Variants in TACC2 observed in about 807,000 individuals in gnomAD.
TACC2 encodes transforming acidic coiled-coil-containing protein 2.
A neutral mutation model predicts 227.3 loss-of-function variants in TACC2; 137 were observed. That is an observed-to-expected ratio of 0.60 (90% confidence interval 0.52 to 0.69). TACC2 has a LOEUF of 0.69. TACC2 is among the 30% of genes least tolerant of loss of function. The probability of loss-of-function intolerance (pLI) is 0.00; values close to 1 mark genes in which losing one functional copy is unlikely to be tolerated. For synonymous variants in TACC2, 1,523 were observed against 1,487.5 expected, an observed-to-expected ratio of 1.02 and a Z score of -0.55; for missense variants, 3,470 against 3,694.4, an observed-to-expected ratio of 0.94 and a Z score of 1.57.
At position 122,050,489 on chromosome 10, in the gene TACC2, C is replaced by A. The variant is rs1238814181; in HGVS notation, c.85C>A (p.Gln29Lys). The A allele has an allele frequency of 6.2e-7, 1 of 1,614,100 alleles. No individual in the cohort carries two copies. The highest frequency in any genetic ancestry group is 1.1e-5 in the South Asian group (1 of 91,074). Residue 29 changes from glutamine to lysine, a missense_variant, in exon 3 of 23, where the codon CAG (glutamine) becomes AAG (lysine). Coordinates refer to ENST00000369005, the MANE Select transcript of TACC2 (RefSeq NM_206862.4). The surrounding 1 kb of genome is among the most constrained non-coding windows in gnomAD (Gnocchi z 4.6). ...GTCCGCGCAGCCACCCGGGAACAGT[C>A]AGAATATAAAAAGGAAGCAGCAGGA... ...PRSAQPPGNS[Q>K]NIKRKQQDTP...
At chr10:122,081,527 C>A (rs895394646) in intron 3 of TACC2, among the ~76,000 whole-genome samples, 1,906 of 108,822 alleles carry the variant, frequency 0.018, no homozygotes, top group African/African-American at 0.024. Context: ...GACTCCGTCT[C>A]AAAAAAAAAA....
intron 2 of TACC2, among the ~76,000 whole-genome samples, chr10:122,029,702 G>T (rs1022067774): frequency 1.3e-5 from 2 of 152,180 alleles, no homozygotes. Flanking sequence ...GTTCTGTCTT[G>T]TGTTTTAGAG....
rs1202291562 is a variant in TACC2, at chr10:122,150,287, AG to A, written c.5834+6583del. Among the ~76,000 whole-genome samples, 2 of 152,310 alleles carry A rather than the reference AG, an allele frequency of 1.3e-5. No individual in the cohort carries two copies. Among genetic ancestry groups the A allele is most frequent in the African/African-American group, 4.8e-5 (2 of 41,578 alleles). The stretch of plus-strand genomic sequence containing the variant: ...TCCCGCCCTGAAATGGGGCTCAGGG[AG>A]GAACATATGGGCAGGCATCTGTGAG... On this transcript the variant is annotated intron_variant, in intron 7 of 22. Coordinates refer to ENST00000369005, the MANE Select transcript of TACC2 (RefSeq NM_206862.4). This position sits in a 1 kb window ranked among gnomAD's most constrained non-coding sequence, Gnocchi z 4.0.
chr10:122,026,421 C>G (rs1389739729), intron 2 of TACC2, among the ~76,000 whole-genome samples: 1 of 150,200 alleles, frequency 6.7e-6, no homozygotes, highest in African/African-American at 2.5e-5. Context: ...TCTGCCTACA[C>G]CAACATCCTG....
intron 7 of TACC2, among the ~76,000 whole-genome samples, chr10:122,168,335 A>G (rs1409660988): frequency 6.6e-6 from 1 of 152,158 alleles, no homozygotes; most frequent in Non-Finnish European, 1.5e-5. Flanking sequence ...TTTGGATATT[A>G]CTGTTGGACA....
At chr10:122,252,419 C>T (rs1370625004) in intron 22 of TACC2, among the ~76,000 whole-genome samples, 2 of 151,828 alleles carry the variant, frequency 1.3e-5, no homozygotes, top group Admixed American at 1.3e-4. Flanking sequence ...TCACGGTGGG[C>T]ACTCCAATAA....
intron 5 of TACC2, among the ~76,000 whole-genome samples, chr10:122,092,862 G>A (rs2080975267): frequency 6.6e-6 from 1 of 152,194 alleles, no homozygotes; most frequent in Non-Finnish European, 1.5e-5. Context: ...GGAAGAGCCT[G>A]GGACTCAGAG....
At chr10:122,066,273 A>ATTT (rs71482682) in intron 3 of TACC2, among the ~76,000 whole-genome samples, 3 of 132,036 alleles carry the variant, frequency 2.3e-5, no homozygotes, top group African/African-American at 8.6e-5. Context: ...ATGCCCAGCT[A>ATTT]TTTTTTTTTT....
chr10:121,995,454 C>T (rs954059857), intron 1 of TACC2, among the ~76,000 whole-genome samples: 1 of 152,188 alleles, frequency 6.6e-6, no homozygotes, highest in African/African-American at 2.4e-5. Flanking sequence ...ACTGACACCA[C>T]TTATAATCTA....
In TACC2 at chr10:122,184,680, T is replaced by C. The variant is rs78302066; in HGVS notation, c.5835-10360T>C. Among the ~76,000 whole-genome samples the C allele has an allele frequency of 1.4e-3, 217 of 152,374 alleles. 1 individual carries two copies. Among genetic ancestry groups the C allele is most frequent in the East Asian group, 0.011 (57 of 5,188 alleles). On this transcript the variant is annotated intron_variant, in intron 7 of 22. Transcript: ENST00000369005. Reference sequence around the variant, plus strand: ...CACCTATGTGTTGCTTTTATGTGTGTGTGTCTGTACATAGACATCTGTGTA... The same window carrying C: ...CACCTATGTGTTGCTTTTATGTGTGCGTGTCTGTACATAGACATCTGTGTA...
At chr10:122,128,211 C>A (rs560277758) in intron 5 of TACC2, among the ~76,000 whole-genome samples, 6 of 152,096 alleles carry the variant, frequency 3.9e-5, no homozygotes, top group Non-Finnish European at 8.8e-5. Context: ...GGCTTAGATC[C>A]CATGGTGGGC....
chr10:122,107,189 A>G (rs1291075472), intron 5 of TACC2, among the ~76,000 whole-genome samples: 2 of 152,260 alleles, frequency 1.3e-5, no homozygotes, highest in Admixed American at 6.5e-5. Flanking sequence ...AATGCTGGCC[A>G]TAAAACTTCG....
At chr10:122,206,506 A>G (rs1391929433) in intron 8 of TACC2, among the ~76,000 whole-genome samples, 1 of 152,206 alleles carries the variant, frequency 6.6e-6, no homozygotes, top group Non-Finnish European at 1.5e-5. Flanking sequence ...TGTGCAGAGA[A>G]AAGGCCATCT....
intron 1 of TACC2, among the ~76,000 whole-genome samples, chr10:122,012,844 A>C (rs559646403): frequency 1.3e-5 from 2 of 152,206 alleles, no homozygotes; most frequent in African/African-American, 4.8e-5. Flanking sequence ...GAATCAGTAA[A>C]ACTGCAAACT....
chr10:122,231,836 A>G (rs2095756335), intron 16 of TACC2, among the ~76,000 whole-genome samples: 1 of 152,132 alleles, frequency 6.6e-6, no homozygotes, highest in Admixed American at 6.5e-5. Context: ...GCGAGACCCT[A>G]TCTTTTAATT....
At chr10:122,191,448 T>A (rs967019181) in intron 7 of TACC2, among the ~76,000 whole-genome samples, 5 of 152,132 alleles carry the variant, frequency 3.3e-5, no homozygotes, top group African/African-American at 1.2e-4. Flanking sequence ...CTGGGCCACA[T>A]TGGAACAAGA....
intron 16 of TACC2, among the ~76,000 whole-genome samples, chr10:122,236,937 A>G (rs1294007949): frequency 6.6e-6 from 1 of 152,246 alleles, no homozygotes; most frequent in African/African-American, 2.4e-5. Flanking sequence ...CAAAATGGAA[A>G]TGTAAACAGT....
At chr10:122,215,321 C>T in intron 9 of TACC2, 70 bp from the exon 10 acceptor site, 1 of 1,414,812 alleles carries the variant, frequency 7.1e-7, no homozygotes, top group South Asian at 1.2e-5. Flanking sequence ...TAGCTTCGGT[C>T]CGCTCTGTAC....
At chr10:122,214,493 A>G (rs1489589267) in intron 9 of TACC2, among the ~76,000 whole-genome samples, 2 of 152,244 alleles carry the variant, frequency 1.3e-5, no homozygotes, top group Admixed American at 1.3e-4. Flanking sequence ...CACCCCCCAA[A>G]GCCTTTGCTT....
Sources: gnomAD v4.1 joint callset for allele counts (sites outside exome capture counted in the v4.1 genomes callset) on GRCh38, gnomAD v4.1.1 for gene constraint, Gnocchi (gnomAD v3.1) non-coding constraint, MANE v1.5 for transcripts, NCBI Gene and HGNC (gene_info 2026-07-23, HGNC 2026-07-21) for gene names.